ARF4: variants seen among roughly 807,000 people sequenced by gnomAD.
ARF4 encodes ADP-ribosylation factor 4.
ARF4 carries 5 observed loss-of-function variants against 24.3 expected under a neutral mutation model. The ratio of observed to expected loss-of-function variants is 0.21; its 90% CI spans 0.11 to 0.43. ARF4 has a LOEUF of 0.43. Among genes scored for constraint, ARF4 ranks in the 20% least tolerant of loss-of-function variants. ARF4 has a pLI of 1.00. For synonymous variants in ARF4, 62 were observed against 73.5 expected (o/e 0.84, Z 0.80); for missense variants, 107 against 213.0 (o/e 0.50, Z 3.10).
At chr3:57,575,824 A>C in intron 4 of ARF4, 151 bp from the exon 5 acceptor site, 4 of 848,568 alleles carry the variant, frequency 4.7e-6, no homozygotes, top group Non-Finnish European at 6.8e-6. Context: ...CTGAAGTCTC[A>C]TATCCTTCAG....
intron 1 of ARF4, among the ~76,000 whole-genome samples, chr3:57,588,084 A>C (rs1236684584): frequency 2.0e-5 from 3 of 152,214 alleles, no homozygotes; most frequent in African/African-American, 7.2e-5. Flanking sequence ...AAATTTCTCC[A>C]CAAAATGAAA....
At chr3:57,573,017 G>A (rs1024491906) in intron 5 of ARF4, among the ~76,000 whole-genome samples, 11 of 151,812 alleles carry the variant, frequency 7.2e-5, no homozygotes, top group Non-Finnish European at 1.2e-4. Flanking sequence ...CCTGGCTAAC[G>A]CAGTGAAACC....
At chr3:57,581,670 C>T (rs2069973346) in intron 3 of ARF4, among the ~76,000 whole-genome samples, 2 of 152,118 alleles carry the variant, frequency 1.3e-5, no homozygotes, top group South Asian at 4.1e-4. Flanking sequence ...TGTGGTGGCG[C>T]ATGCCTGAAG....
chr3:57,580,806 T>A (rs1485967107), intron 3 of ARF4, among the ~76,000 whole-genome samples: 4 of 149,122 alleles, frequency 2.7e-5, no homozygotes, highest in African/African-American at 9.9e-5. Context: ...AAAGACAGGG[T>A]CTCACTATGT....
In ARF4 at chr3:57,572,265, T is replaced by C. The variant is rs1468535094; in HGVS notation, c.490A>G (p.Thr164Ala). ...YVQATCATQG[T>A]GLYEGLDWLS... Reference sequence around the variant, plus strand: ...CAGTCAAGTCCTTCATACAGACCAGTTCCTTGTGTTGCACAAGTGGCTTGA... The same window carrying C: ...CAGTCAAGTCCTTCATACAGACCAGCTCCTTGTGTTGCACAAGTGGCTTGA... The change falls in exon 6 of 6, where the codon ACT becomes GCT. Residue 164 changes from threonine to alanine, a missense_variant. Coordinates refer to ENST00000303436, the MANE Select transcript of ARF4 (RefSeq NM_001660.4). 1 of 1,614,102 alleles carries C rather than the reference T, an allele frequency of 6.2e-7. No homozygotes were observed. Among genetic ancestry groups the C allele is most frequent in the Non-Finnish European group, 8.5e-7 (1 of 1,179,966 alleles).
At chr3:57,590,089 CAATAAATA>C (rs71088095) in intron 1 of ARF4, among the ~76,000 whole-genome samples, 3,159 of 135,172 alleles carry the variant, frequency 0.023, 68 homozygotes, top group East Asian at 0.091. Context: ...GACTCTGTCT[CAATAAATA>C]AATAAATAAA....
At chr3:57,588,476 G>A (rs1189731807) in intron 1 of ARF4, among the ~76,000 whole-genome samples, 1 of 152,226 alleles carries the variant, frequency 6.6e-6, no homozygotes, top group Non-Finnish European at 1.5e-5. Flanking sequence ...GGGAGGCTGA[G>A]GCAGGTGGAT....
chr3:57,597,101 C>G lies in ARF4; in HGVS notation c.40G>C (p.Gly14Arg), dbSNP rs777601584. ...TISSLFSRLF[G>R]KKQMRILMVG... ...ATCAAAATGCGCATCTGCTTCTTGC[C>G]AAATAGTCGGGAGAAGAGGGAGGAG... The change falls in exon 1 of 6, where the codon GGC becomes CGC. Residue 14 changes from glycine to arginine, a missense_variant. Transcript: ENST00000303436. 1 of 1,614,028 alleles carries G rather than the reference C, an allele frequency of 6.2e-7. No individual in the cohort carries two copies.
intron 5 of ARF4, 78 bp from the exon 6 acceptor site, chr3:57,572,376 CTT>C: frequency 9.1e-6 from 10 of 1,101,392 alleles, no homozygotes; most frequent in Non-Finnish European, 1.4e-5. Flanking sequence ...CTTAATCAAA[CTT>C]AAGAGTCTTT....
intron 2 of ARF4, 53 bp from the exon 3 acceptor site, chr3:57,584,060 C>G (rs540803118): frequency 8.1e-7 from 1 of 1,230,726 alleles, no homozygotes; most frequent in Non-Finnish European, 1.2e-6. Flanking sequence ...GAAAATAAAA[C>G]CTTTTATTGT....
At chr3:57,588,165 C>T (rs2070061661) in intron 1 of ARF4, among the ~76,000 whole-genome samples, 1 of 152,166 alleles carries the variant, frequency 6.6e-6, no homozygotes, top group Non-Finnish European at 1.5e-5. Context: ...CCCTCCCCTC[C>T]GTGTCCAGAA....
At chr3:57,585,691 A>G (rs896267689) in intron 1 of ARF4, among the ~76,000 whole-genome samples, 7 of 138,724 alleles carry the variant, frequency 5.0e-5, no homozygotes, top group African/African-American at 1.6e-4. Flanking sequence ...GAGACAGAGT[A>G]TCACTCTGTC....
chr3:57,573,379 T>C (rs2069863526), intron 5 of ARF4, among the ~76,000 whole-genome samples: 1 of 152,116 alleles, frequency 6.6e-6, no homozygotes, highest in South Asian at 2.1e-4. Context: ...TAGAAAACAA[T>C]TTACATTTAA....
chr3:57,595,072 C>G (rs890399936), intron 1 of ARF4, among the ~76,000 whole-genome samples: 3 of 152,196 alleles, frequency 2.0e-5, no homozygotes, highest in Non-Finnish European at 4.4e-5. Flanking sequence ...AAATCCTCCA[C>G]ACAAATGCAG....
chr3:57,592,216 C>T (rs1055236016), intron 1 of ARF4, among the ~76,000 whole-genome samples: 5 of 152,056 alleles, frequency 3.3e-5, no homozygotes, highest in Non-Finnish European at 7.4e-5. Flanking sequence ...TGGCCAGGCA[C>T]GGTGACTCAT....
intron 1 of ARF4, among the ~76,000 whole-genome samples, chr3:57,587,015 T>G (rs1038136710): frequency 1.1e-4 from 16 of 151,916 alleles, no homozygotes; most frequent in Non-Finnish European, 2.1e-4. Flanking sequence ...GGACCTCAGA[T>G]TGTCATTTAA....
chr3:57,593,811 G>A (rs1030074608), intron 1 of ARF4, among the ~76,000 whole-genome samples: 2 of 152,198 alleles, frequency 1.3e-5, no homozygotes, highest in East Asian at 1.9e-4. Context: ...CGAGGTGGGC[G>A]GGATCGCTTC....
intron 3 of ARF4, among the ~76,000 whole-genome samples, chr3:57,582,246 T>A (rs187909400): frequency 1.1e-4 from 16 of 152,074 alleles, no homozygotes; most frequent in Admixed American, 9.8e-4. Context: ...AACATTCTAC[T>A]ATTTTTTTTT....
chr3:57,576,334 A>G (rs534610888), intron 4 of ARF4, among the ~76,000 whole-genome samples: 1 of 152,252 alleles, frequency 6.6e-6, no homozygotes, highest in Non-Finnish European at 1.5e-5. Flanking sequence ...GGTGTACGAG[A>G]GGAAGGAAAT....
Sources: gnomAD v4.1 joint callset for allele counts (sites outside exome capture counted in the v4.1 genomes callset) on GRCh38, gnomAD v4.1.1 for gene constraint, MANE v1.5 for transcripts, NCBI Gene and HGNC (gene_info 2026-07-23, HGNC 2026-07-21) for gene names.